The following MTUS2 variants were observed in gnomAD, a reference collection of about 807,000 sequenced individuals.
MTUS2 encodes microtubule associated scaffold protein 2.
Under a neutral mutation model 114.1 loss-of-function variants are expected in MTUS2, and 40 were observed. The observed-to-expected ratio is 0.35, with a 90% CI of 0.27 to 0.46. MTUS2 has a LOEUF of 0.46. MTUS2 is among the 20% of genes least tolerant of loss of function. The pLI, the probability that MTUS2 is intolerant of heterozygous loss-of-function variation, is 1.00. For synonymous variants in MTUS2, 688 were observed against 672.0 expected (o/e 1.02, Z -0.37); for missense variants, 1,679 against 1,705.4 (o/e 0.98, Z 0.27).
intron 6 of MTUS2, among the ~76,000 whole-genome samples, chr13:29,300,414 A>G (rs995190204): frequency 1.3e-5 from 2 of 152,198 alleles, no homozygotes; most frequent in African/African-American, 2.4e-5. Flanking sequence ...AGCTTGTCCA[A>G]CAGTAATTAA....
chr13:29,044,886 A>G lies in MTUS2; in HGVS notation c.2446+10761A>G, dbSNP rs540718981. 1.3e-4 allele frequency among the ~76,000 whole-genome samples: 20 copies of G among 152,262 alleles called. 1 individual carries two copies. The highest frequency in any genetic ancestry group is 4.8e-4 in the African/African-American group (20 of 41,548). On this transcript the variant is annotated intron_variant, in intron 4 of 15. Transcript: ENST00000612955. ...GTCATTTAGGTTGTTGGTAGAGTCTATCTCATGTGCTTGTGGTACTAGAGT... is the reference window on the plus strand; with the variant it reads ...GTCATTTAGGTTGTTGGTAGAGTCTGTCTCATGTGCTTGTGGTACTAGAGT...
At chr13:29,217,751 GTCT>G (rs1455727535) in intron 5 of MTUS2, among the ~76,000 whole-genome samples, 1 of 152,204 alleles carries the variant, frequency 6.6e-6, no homozygotes. Flanking sequence ...AATGGAGTCA[GTCT>G]TCTCAAACTG....
rs1421087668 is a variant in MTUS2, at chr13:29,033,999, G to A, written c.2320G>A (p.Ala774Thr). Residue 774 changes from alanine (A) to threonine (T), a missense_variant, in exon 4 of 16, where the codon GCA becomes ACA. Physicochemically the swap from Ala to Thr is moderately conservative, Grantham distance 58. This residue lies in a region of MTUS2 where 822 missense variants were observed against 899.7 expected (regional missense o/e 0.91). Transcript: ENST00000612955. ...CCTTAAGCCCCAGCTAGGATTGGGTGCAATGTCCCGTTTACCATCTGCAAA... is the reference window on the plus strand; with the variant it reads ...CCTTAAGCCCCAGCTAGGATTGGGTACAATGTCCCGTTTACCATCTGCAAA... ...MLLKPQLGLG[A>T]MSRLPSAKSR... is the part of the protein sequence containing the mutation. The A allele has an allele frequency of 1.2e-6, 2 of 1,613,832 alleles. No homozygotes were observed. The highest frequency in any genetic ancestry group is 2.2e-5 in the East Asian group (1 of 44,892).
intron 5 of MTUS2, among the ~76,000 whole-genome samples, chr13:29,167,163 G>A (rs1319980540): frequency 4.6e-5 from 7 of 152,050 alleles, no homozygotes; most frequent in South Asian, 4.2e-4. Flanking sequence ...TCACGAGGTC[G>A]GGAGATAGAG....
intron 5 of MTUS2, among the ~76,000 whole-genome samples, chr13:29,220,064 C>G (rs1221399631): frequency 1.3e-5 from 2 of 151,560 alleles, no homozygotes. Flanking sequence ...GGCACAATCT[C>G]TGCTCACTGC....
intron 5 of MTUS2, among the ~76,000 whole-genome samples, chr13:29,130,978 G>A (rs1367639460): frequency 6.6e-6 from 1 of 152,130 alleles, no homozygotes; most frequent in Non-Finnish European, 1.5e-5. Flanking sequence ...TCTGCTCCAG[G>A]AAGGGAGAGA....
At chr13:29,163,013 G>A (rs1893165666) in intron 5 of MTUS2, among the ~76,000 whole-genome samples, 1 of 151,888 alleles carries the variant, frequency 6.6e-6, no homozygotes, top group Non-Finnish European at 1.5e-5. Context: ...CATGTGTGTG[G>A]GCATGCATAT....
chr13:29,366,204 C>G (rs1021173924), intron 8 of MTUS2, among the ~76,000 whole-genome samples: 2 of 152,190 alleles, frequency 1.3e-5, no homozygotes, highest in Non-Finnish European at 2.9e-5. Context: ...CTCACAGTTC[C>G]ACGTGGCTGG....
At chr13:29,010,918 C>A (rs1277641178) in intron 2 of MTUS2, among the ~76,000 whole-genome samples, 1 of 151,968 alleles carries the variant, frequency 6.6e-6, no homozygotes, top group Non-Finnish European at 1.5e-5. Flanking sequence ...GGAGAGCTGC[C>A]CCTGGGAGAG....
rs151223735 is a variant in MTUS2 at position 29,463,967 on chromosome 13, A to G, written c.3185-16183A>G. 9.9e-5 allele frequency among the ~76,000 whole-genome samples: 15 copies of G among 152,234 alleles called. No individual in the cohort carries two copies. In the East Asian group the frequency reaches 2.9e-3, roughly 29 times the overall value. On this transcript the variant is annotated intron_variant, in intron 9 of 15. Transcript: ENST00000612955. ...CAAGATCGCACCACTGCACTCCAGC[A>G]TGGGTGACAGATGAGACTGTGTCTC...
chr13:28,905,993 G>T (rs1273621614), intron 2 of MTUS2, among the ~76,000 whole-genome samples: 1 of 151,626 alleles, frequency 6.6e-6, no homozygotes, highest in Non-Finnish European at 1.5e-5. Flanking sequence ...GAGGGTGTAT[G>T]TGTCGAGGAA....
At chr13:29,050,412 T>C (rs1351842606) in intron 4 of MTUS2, among the ~76,000 whole-genome samples, 2 of 152,182 alleles carry the variant, frequency 1.3e-5, no homozygotes, top group East Asian at 3.9e-4. Flanking sequence ...ACCTGGTTCT[T>C]ACAAAGCAAG....
At chr13:28,915,611 G>T in intron 2 of MTUS2, among the ~76,000 whole-genome samples, 1 of 151,766 alleles carries the variant, frequency 6.6e-6, no homozygotes, top group Non-Finnish European at 1.5e-5. Context: ...GAAAAATGTT[G>T]ATTCAGGTCT....
chr13:29,483,446 C>T (rs1196183522), intron 10 of MTUS2, among the ~76,000 whole-genome samples: 1 of 151,930 alleles, frequency 6.6e-6, no homozygotes, highest in Non-Finnish European at 1.5e-5. Context: ...TCCGGCTACA[C>T]AGGTGGGTCA....
chr13:28,837,265 T>C (rs890187494), intron 1 of MTUS2, among the ~76,000 whole-genome samples: 4 of 152,228 alleles, frequency 2.6e-5, no homozygotes, highest in Non-Finnish European at 4.4e-5. Context: ...GTTTAACAAA[T>C]TCTCTTTGTG....
In MTUS2 at chr13:29,505,438, G is replaced by A. The variant is rs1370778385; in HGVS notation, c.*2232G>A. 1.3e-5 allele frequency: 3 copies of A among 227,714 alleles called. No individual in the cohort carries two copies. Among genetic ancestry groups the A allele is most frequent in the Middle Eastern group, 1.3e-3 (1 of 794 alleles). 14.1% of individuals were successfully genotyped at this position (227,714 alleles called of 1,614,324 possible). A position where few individuals can be genotyped will look rare whatever the true frequency, so the allele number is the denominator to read the frequency against. On this transcript the variant is annotated 3_prime_UTR_variant, in exon 16 of 16. Coordinates refer to ENST00000612955, the MANE Select transcript of MTUS2 (RefSeq NM_001033602.4). The stretch of plus-strand genomic sequence containing the variant: ...CTTGGGTACTTGAGCTAATTTCCAC[G>A]TGGCCCTGGCTTCGTGGTTTGTTTG...
chr13:29,066,850 C>T (rs1044659588), intron 4 of MTUS2, among the ~76,000 whole-genome samples: 1 of 152,224 alleles, frequency 6.6e-6, no homozygotes, highest in African/African-American at 2.4e-5. Context: ...GAGAGGAACC[C>T]ACTAGGCTTG....
At chr13:29,199,192 A>G (rs1894832367) in intron 5 of MTUS2, among the ~76,000 whole-genome samples, 1 of 152,166 alleles carries the variant, frequency 6.6e-6, no homozygotes, top group Admixed American at 6.6e-5. Flanking sequence ...ACTTGAAACT[A>G]TACTACAAGG....
chr13:29,111,448 A>T (rs1163226442), intron 5 of MTUS2, among the ~76,000 whole-genome samples: 1 of 152,190 alleles, frequency 6.6e-6, no homozygotes. Flanking sequence ...CAGAACAAAG[A>T]TGAGGAGATG....
Sources: gnomAD v4.1 joint callset for allele counts (sites outside exome capture counted in the v4.1 genomes callset) on GRCh38, gnomAD v4.1.1 for gene constraint, gnomAD v4.1.1 regional missense constraint, MANE v1.5 for transcripts, NCBI Gene and HGNC (gene_info 2026-07-23, HGNC 2026-07-21) for gene names.